The following FRMD6 variants were observed in gnomAD, a reference collection of about 807,000 sequenced individuals.
The protein encoded by FRMD6 is FERM domain-containing protein 6.
A neutral mutation model predicts 73.2 loss-of-function variants in FRMD6; 37 were observed. That is an observed-to-expected ratio of 0.51 (90% CI 0.39 to 0.66). The LOEUF (loss-of-function observed/expected upper bound fraction) is 0.66. FRMD6 is among the 30% of genes least tolerant of loss of function. The probability of loss-of-function intolerance (pLI) is 0.00; values close to 1 mark genes in which losing one functional copy is unlikely to be tolerated. For synonymous variants in FRMD6, 273 were observed against 282.2 expected (o/e 0.97, Z 0.33); for missense variants, 714 against 780.5 (o/e 0.91, Z 1.02).
At chr14:51,655,261 GCA>G (rs1892736674) in intron 1 of FRMD6, among the ~76,000 whole-genome samples, 1 of 152,126 alleles carries the variant, frequency 6.6e-6, no homozygotes, top group Admixed American at 6.5e-5. Flanking sequence ...GCTGTTTGTT[GCA>G]CACATTAAAA....
the FRMD6 span, among the ~76,000 whole-genome samples, chr14:51,420,867 C>T: frequency 1.1e-4 from 16 of 152,260 alleles, no homozygotes; most frequent in Middle Eastern, 3.4e-3. Flanking sequence ...CTCTGCCTCC[C>T]GGTTCAAGTG....
the FRMD6 span, among the ~76,000 whole-genome samples, chr14:51,471,501 GA>G: frequency 0.16 from 19,539 of 119,492 alleles, 1,453 homozygotes; most frequent in East Asian, 0.32. Flanking sequence ...ACTCCGTCTC[GA>G]AAAAAAAAAA....
At chr14:51,544,546 T>A (rs1188206724) in intron 1 of FRMD6, among the ~76,000 whole-genome samples, 1 of 151,200 alleles carries the variant, frequency 6.6e-6, no homozygotes, top group Admixed American at 6.6e-5. Context: ...TCCTTTGAGA[T>A]TTTTTTTTAC....
Position 51,689,848 on chromosome 14 carries a change from G to A in FRMD6, c.12G>A (p.Leu4=), listed in dbSNP as rs1457092314. 6.2e-7 allele frequency: 1 copy of A among 1,611,422 alleles called. No homozygotes were observed. The highest frequency in any genetic ancestry group is 2.2e-5 in the East Asian group (1 of 44,880). Residue 4 remains leucine, a synonymous_variant, in exon 2 of 14, where the codon TTG becomes TTA. Transcript: ENST00000344768. MNK[L]NFHNNRVMQD... ...GTGCCCAAAACACAATGAACAAATT[G>A]AATTTTCATAACAACAGAGTCATGC...
intron 1 of FRMD6, among the ~76,000 whole-genome samples, chr14:51,564,211 G>A (rs1303853219): frequency 6.6e-6 from 1 of 152,102 alleles, no homozygotes; most frequent in Non-Finnish European, 1.5e-5. Context: ...TATATTTGTC[G>A]TTACTTTTGA....
intron 2 of FRMD6, among the ~76,000 whole-genome samples, chr14:51,583,365 G>A (rs1404217589): frequency 6.6e-6 from 1 of 152,128 alleles, no homozygotes; most frequent in Non-Finnish European, 1.5e-5. Flanking sequence ...CCCTTGCCAG[G>A]ACACAAAGTC....
chr14:51,568,793 G>A (rs1887925481), intron 1 of FRMD6, among the ~76,000 whole-genome samples: 1 of 151,380 alleles, frequency 6.6e-6, no homozygotes, highest in Non-Finnish European at 1.5e-5. Context: ...GGAAAACATT[G>A]TATTTCTTCC....
intron 2 of FRMD6, among the ~76,000 whole-genome samples, chr14:51,692,471 A>AGT (rs1566569883): frequency 4.3e-4 from 15 of 34,658 alleles, no homozygotes; most frequent in East Asian, 3.7e-3. Flanking sequence ...TACGTGGTGC[A>AGT]ATGTGTGTGT....
rs772787645 is a variant in FRMD6 at position 51,711,585 on chromosome 14, C to A, written c.769C>A (p.Gln257Lys). 7 of 1,604,446 alleles carry A rather than the reference C, an allele frequency of 4.4e-6. No homozygotes were observed. Among genetic ancestry groups the A allele is most frequent in the Non-Finnish European group, 6.0e-6 (7 of 1,172,086 alleles). Residue 257 changes from glutamine to lysine, a missense_variant, in exon 8 of 14, where the codon CAG becomes AAG. Gln to Lys is a moderately conservative substitution (Grantham distance 53, BLOSUM62 1). Transcript: ENST00000344768. ...TCTTGGATTGACCATGAGGGGAATA[C>A]AGATTTTTCAGGTTGGTAAATGAGA... ...LTLGLTMRGI[Q>K]IFQNLDEEKQ...
chr14:51,608,542 T>C (rs980174506), intron 2 of FRMD6, among the ~76,000 whole-genome samples: 2 of 152,244 alleles, frequency 1.3e-5, no homozygotes, highest in South Asian at 2.1e-4. Flanking sequence ...TCTCTCAGGC[T>C]TTTTCTTGGT....
chr14:51,677,181 T>C (rs539027926), intron 1 of FRMD6, among the ~76,000 whole-genome samples: 41 of 152,218 alleles, frequency 2.7e-4, no homozygotes, highest in Non-Finnish European at 4.4e-5. Flanking sequence ...TTAGGAGCCA[T>C]GTAATGACAT....
intron 1 of FRMD6, among the ~76,000 whole-genome samples, chr14:51,656,566 A>G (rs1423346256): frequency 6.6e-6 from 1 of 152,030 alleles, no homozygotes; most frequent in African/African-American, 2.4e-5. Context: ...GGTGCCTGCC[A>G]CCACGCCCAT....
chr14:51,565,836 G>T (rs61969801), intron 1 of FRMD6, among the ~76,000 whole-genome samples: 19,565 of 152,102 alleles, frequency 0.13, 1,461 homozygotes, highest in Non-Finnish European at 0.16. Flanking sequence ...AAGTTTAATG[G>T]ATCTCTCCAA....
chr14:51,639,642 T>TCA lies in FRMD6; in HGVS notation c.-146-50048_-146-50047dup, dbSNP rs547531430. Among the ~76,000 whole-genome samples, 40 of 152,304 alleles carry TCA rather than the reference T, an allele frequency of 2.6e-4. No individual in the cohort carries two copies. The East Asian group carries it at 7.7e-3, about 29-fold the overall frequency. On this transcript the variant is annotated intron_variant, in intron 2 of 14. Transcript: ENST00000356218. ...ACAGTAAACAGTAGATGATCAGCTGTCATTATTTTAAATGATTATTTCAAA... is the reference window on the plus strand; with the variant it reads ...ACAGTAAACAGTAGATGATCAGCTGTCACATTATTTTAAATGATTATTTCAAA...
chr14:51,528,141 CA>C lies in FRMD6; in HGVS notation c.-210+38728del, dbSNP rs71443177. ...GGGGTGACAGAGCAAGACGCTGTCT[CA>C]AAAAAACAACAAACAAACAAAACAA... On this transcript the variant is annotated intron_variant, in intron 1 of 14. Transcript: ENST00000356218. Among the ~76,000 whole-genome samples the C allele has an allele frequency of 1.2e-4, 18 of 152,052 alleles. No individual in the cohort carries two copies. In the South Asian group the frequency reaches 2.5e-3, roughly 21 times the overall value.
chr14:51,573,216 T>A (rs1046044916), intron 2 of FRMD6, among the ~76,000 whole-genome samples: 2 of 152,204 alleles, frequency 1.3e-5, no homozygotes, highest in African/African-American at 2.4e-5. Flanking sequence ...AACCCCACTT[T>A]GTCCTCAGTC....
At chr14:51,409,479 G>T in the FRMD6 span, among the ~76,000 whole-genome samples, 828 of 151,608 alleles carry the variant, frequency 5.5e-3, 6 homozygotes, top group African/African-American at 0.019. Context: ...AAGGTCTCTA[G>T]CCCACCATTG....
chr14:51,535,147 G>T (rs1470811235), intron 1 of FRMD6, among the ~76,000 whole-genome samples: 1 of 152,048 alleles, frequency 6.6e-6, no homozygotes, highest in Non-Finnish European at 1.5e-5. Flanking sequence ...TACTCTCATG[G>T]CTTCCAGGGT....
chr14:51,722,095 G>T lies in FRMD6; in HGVS notation c.1492+15G>T. ...TGGACACTCTGGTGAGCTCTTACGG[G>T]AAGTTATTCTTCCTTGGTAGCAGGT... On this transcript the variant is annotated intron_variant, in intron 12 of 13. Coordinates refer to ENST00000344768, the MANE Select transcript of FRMD6 (RefSeq NM_001267046.2). The T allele has an allele frequency of 6.2e-7, 1 of 1,613,258 alleles. No individual in the cohort carries two copies. The highest frequency in any genetic ancestry group is 8.5e-7 in the Non-Finnish European group (1 of 1,179,502).
Sources: gnomAD v4.1 joint callset for allele counts (sites outside exome capture counted in the v4.1 genomes callset) on GRCh38, gnomAD v4.1.1 for gene constraint, MANE v1.5 for transcripts, NCBI Gene and HGNC (gene_info 2026-07-23, HGNC 2026-07-21) for gene names.